The following RASEF variants were observed in gnomAD, a reference collection of about 807,000 sequenced individuals.
RASEF encodes ras and EF-hand domain-containing protein.
In RASEF, 68 loss-of-function variants were observed where a neutral mutation model predicts 90.1. That is an observed-to-expected ratio of 0.75 (90% CI 0.62 to 0.92). RASEF has a LOEUF of 0.92. Among genes scored for constraint, RASEF ranks in the 40% least tolerant of loss-of-function variants. The pLI is 0.00. For synonymous variants in RASEF, 331 were observed against 345.2 expected, an observed-to-expected ratio of 0.96 and a Z score of 0.46; for missense variants, 949 against 937.2, an observed-to-expected ratio of 1.01 and a Z score of -0.16.
intron 16 of RASEF, among the ~76,000 whole-genome samples, chr9:82,988,870 A>C (rs1459694482): frequency 6.6e-6 from 1 of 152,222 alleles, no homozygotes; most frequent in East Asian, 1.9e-4. Flanking sequence ...AGAGATGCAC[A>C]AAACAGCCTA....
chr9:83,027,874 T>C (rs974146023), intron 1 of RASEF, among the ~76,000 whole-genome samples: 8 of 152,200 alleles, frequency 5.3e-5, no homozygotes, highest in East Asian at 1.9e-4. Flanking sequence ...TCCATGCTTC[T>C]CCGGATTGAT....
At chr9:83,065,319 G>C (rs572374209), upstream of RASEF, among the ~76,000 whole-genome samples, 15 of 152,256 alleles carry the variant, frequency 9.9e-5, no homozygotes, top group South Asian at 3.1e-3. Flanking sequence ...GATCTCTCAG[G>C]TGGTTTTCTT....
the RASEF span, among the ~76,000 whole-genome samples, chr9:83,133,018 T>G: frequency 6.6e-6 from 1 of 152,218 alleles, no homozygotes; most frequent in African/African-American, 2.4e-5. Flanking sequence ...AGTTCCAGGA[T>G]GTACTGTTCT....
intron 9 of RASEF, 95 bp downstream of exon 9, chr9:83,004,403 T>C: frequency 1.4e-6 from 1 of 707,752 alleles, no homozygotes; most frequent in Non-Finnish European, 2.4e-6. Flanking sequence ...GTGACCAAAG[T>C]ATATTCTATT....
the RASEF span, among the ~76,000 whole-genome samples, chr9:83,197,891 T>C: frequency 6.6e-6 from 1 of 152,214 alleles, no homozygotes; most frequent in South Asian, 2.1e-4. Context: ...TCCGCTGAGC[T>C]TGGTCTTGAA....
chr9:83,202,398 C>T, the RASEF span, among the ~76,000 whole-genome samples: 2 of 152,146 alleles, frequency 1.3e-5, no homozygotes, highest in African/African-American at 2.4e-5. Context: ...TATTTAACTA[C>T]AACTAACACA....
intron 9 of RASEF, 111 bp from the exon 10 acceptor site, chr9:83,001,241 G>T: frequency 4.3e-6 from 3 of 694,980 alleles, no homozygotes; most frequent in Non-Finnish European, 4.9e-6. Context: ...CTGTGGCTAA[G>T]AGCCGCAGTG....
chr9:83,195,928 A>C, the RASEF span, among the ~76,000 whole-genome samples: 1 of 152,100 alleles, frequency 6.6e-6, no homozygotes, highest in African/African-American at 2.4e-5. Flanking sequence ...GGACAGCAAA[A>C]AACAAGGGTG....
chr9:83,097,585 G>A, the RASEF span, among the ~76,000 whole-genome samples: 28 of 152,126 alleles, frequency 1.8e-4, no homozygotes, highest in African/African-American at 6.5e-4. Context: ...TCAACAAGTG[G>A]GCGAAGGACA....
the RASEF span, among the ~76,000 whole-genome samples, chr9:83,197,355 A>G: frequency 1.2e-4 from 19 of 152,262 alleles, no homozygotes; most frequent in Admixed American, 9.2e-4. Context: ...TCAGGGAACA[A>G]CAACGTAGGC....
the RASEF span, among the ~76,000 whole-genome samples, chr9:83,153,062 A>G: frequency 8.6e-3 from 1,312 of 152,324 alleles, 20 homozygotes; most frequent in African/African-American, 0.03. Context: ...GTTTTTGCAT[A>G]TATTTCTATA....
chr9:83,034,873 G>T (rs779823115), intron 1 of RASEF, among the ~76,000 whole-genome samples: 3 of 152,184 alleles, frequency 2.0e-5, no homozygotes, highest in Non-Finnish European at 4.4e-5. Flanking sequence ...GGTAGCAAAG[G>T]GTAGCTGTGA....
intron 1 of RASEF, among the ~76,000 whole-genome samples, chr9:83,062,138 A>G (rs549727270): frequency 6.6e-6 from 1 of 152,306 alleles, no homozygotes; most frequent in East Asian, 1.9e-4. Context: ...GCGCGCGCCT[A>G]AACTCGCGCG....
At chr9:83,146,698 C>T in the RASEF span, among the ~76,000 whole-genome samples, 4 of 152,164 alleles carry the variant, frequency 2.6e-5, no homozygotes, top group South Asian at 8.3e-4. Context: ...AACTTAACAC[C>T]CTTCTGTTTT....
the RASEF span, among the ~76,000 whole-genome samples, chr9:83,086,289 A>G: frequency 2.0e-5 from 3 of 152,144 alleles, no homozygotes; most frequent in Non-Finnish European, 2.9e-5. Context: ...TTTTTTTATA[A>G]GGAAGCAACT....
chr9:83,021,914 C>T (rs1295018370), intron 3 of RASEF, among the ~76,000 whole-genome samples: 2 of 152,072 alleles, frequency 1.3e-5, no homozygotes, highest in Non-Finnish European at 2.9e-5. Context: ...ATTTTAATTT[C>T]ACTCTAATCT....
At chr9:83,171,777 G>A in the RASEF span, among the ~76,000 whole-genome samples, 1 of 151,532 alleles carries the variant, frequency 6.6e-6, no homozygotes, top group Admixed American at 6.6e-5. Context: ...TTCCTTTGTT[G>A]TCTCTGGTTT....
At chr9:83,009,272 C>T (rs1478284479) in intron 6 of RASEF, among the ~76,000 whole-genome samples, 1 of 151,932 alleles carries the variant, frequency 6.6e-6, no homozygotes, top group African/African-American at 2.4e-5. Context: ...TACTGCAAAA[C>T]TAACACACAC....
At chr9:83,001,653 C>T (rs1829043179) in intron 9 of RASEF, among the ~76,000 whole-genome samples, 1 of 152,180 alleles carries the variant, frequency 6.6e-6, no homozygotes, top group African/African-American at 2.4e-5. Flanking sequence ...TTAATGGTTT[C>T]TCTCTTCAAA....
Sources: allele counts gnomAD v4.1 joint callset (sites outside exome capture counted in the v4.1 genomes callset), GRCh38; gene constraint gnomAD v4.1.1; transcripts MANE v1.5; gene names NCBI Gene and HGNC (gene_info 2026-07-23, HGNC 2026-07-21).